Variants in GRIK2 observed in about 807,000 individuals in gnomAD.
The protein encoded by GRIK2 is glutamate ionotropic receptor kainate type subunit 2.
GRIK2 carries 32 observed loss-of-function variants against 100.3 expected under a neutral mutation model. The observed-to-expected ratio is 0.32, with a 90% CI of 0.24 to 0.43. GRIK2 has a LOEUF of 0.43. Ranked by LOEUF, GRIK2 falls within the 20% of genes least tolerant of loss-of-function variation. The pLI is 1.00. For synonymous variants in GRIK2, 417 were observed against 389.4 expected (o/e 1.07, Z -0.83); for missense variants, 843 against 1,114.9 (o/e 0.76, Z 3.47).
At position 101,851,189 on chromosome 6, in the gene GRIK2, T is replaced by A. The variant is rs1023582025; in HGVS notation, c.1318-8098T>A. Among the ~76,000 whole-genome samples the A allele has an allele frequency of 9.2e-5, 14 of 152,200 alleles. No individual in the cohort carries two copies. The South Asian group carries it at 2.7e-3, about 29-fold the overall frequency. On this transcript the variant is annotated intron_variant, in intron 10 of 16. Coordinates refer to ENST00000369134, the MANE Select transcript of GRIK2 (RefSeq NM_021956.5). Reference sequence around the variant, plus strand: ...ACATATATCTAAGTAGGTTTTTTAATCTCAGAGGGATCAACAAATTTATTT... The same window carrying A: ...ACATATATCTAAGTAGGTTTTTTAAACTCAGAGGGATCAACAAATTTATTT...
At chr6:101,482,609 T>G (rs1772591931) in intron 2 of GRIK2, among the ~76,000 whole-genome samples, 1 of 152,022 alleles carries the variant, frequency 6.6e-6, no homozygotes, top group South Asian at 2.1e-4. Flanking sequence ...GTTATGGAAA[T>G]GTAAAATGTG....
At chr6:101,827,352 AT>A (rs1294850698) in intron 10 of GRIK2, among the ~76,000 whole-genome samples, 1 of 151,990 alleles carries the variant, frequency 6.6e-6, no homozygotes, top group Admixed American at 6.6e-5. Flanking sequence ...ATGTACTTGA[AT>A]TTTGTTTAAA....
intron 2 of GRIK2, among the ~76,000 whole-genome samples, chr6:101,589,320 C>T (rs1322320794): frequency 6.6e-6 from 1 of 152,102 alleles, no homozygotes; most frequent in Admixed American, 6.6e-5. Flanking sequence ...ACACCGTCTA[C>T]CCTCTTTTAG....
chr6:101,813,040 G>A (rs886265670), intron 9 of GRIK2, among the ~76,000 whole-genome samples: 1 of 151,684 alleles, frequency 6.6e-6, no homozygotes, highest in East Asian at 1.9e-4. Context: ...ATACACATCC[G>A]TATATAACAT....
intron 2 of GRIK2, among the ~76,000 whole-genome samples, chr6:101,571,991 A>T (rs2128299259): frequency 6.6e-6 from 1 of 152,216 alleles, no homozygotes; most frequent in African/African-American, 2.4e-5. Flanking sequence ...TCATCTTCAA[A>T]CCAGTGTTCT....
intron 7 of GRIK2, among the ~76,000 whole-genome samples, chr6:101,688,150 CT>C (rs1204917113): frequency 1.1e-4 from 16 of 148,362 alleles, no homozygotes; most frequent in African/African-American, 3.9e-4. Context: ...TAATAGCTTT[CT>C]TTACAATTCT....
chr6:101,544,685 C>G (rs200794572), intron 2 of GRIK2, among the ~76,000 whole-genome samples: 9 of 152,310 alleles, frequency 5.9e-5, no homozygotes, highest in Admixed American at 3.3e-4. Context: ...ATGCTATGCT[C>G]TATGCTCTTA....
intron 9 of GRIK2, among the ~76,000 whole-genome samples, chr6:101,811,394 T>C (rs1781316699): frequency 6.6e-6 from 1 of 152,110 alleles, no homozygotes; most frequent in Non-Finnish European, 1.5e-5. Context: ...ACTATATTGC[T>C]TCTTTTTCCA....
chr6:101,762,155 T>C (rs1777756630), intron 7 of GRIK2, among the ~76,000 whole-genome samples: 2 of 145,578 alleles, frequency 1.4e-5, no homozygotes, highest in Non-Finnish European at 3.0e-5. Context: ...CCTCTTCCTC[T>C]GTCTCTGTCT....
intron 2 of GRIK2, among the ~76,000 whole-genome samples, chr6:101,581,823 G>A (rs889976308): frequency 4.6e-5 from 7 of 152,150 alleles, no homozygotes; most frequent in Admixed American, 2.6e-4. Flanking sequence ...AAATAAGATT[G>A]GTGTCTTTGA....
At chr6:101,856,149 A>C (rs940066873) in intron 10 of GRIK2, among the ~76,000 whole-genome samples, 3 of 152,292 alleles carry the variant, frequency 2.0e-5, no homozygotes, top group African/African-American at 7.2e-5. Flanking sequence ...TGATGATTTC[A>C]AGTAGTAGTG....
chr6:101,520,897 A>G (rs1186323737), intron 2 of GRIK2, among the ~76,000 whole-genome samples: 3 of 152,148 alleles, frequency 2.0e-5, no homozygotes, highest in Non-Finnish European at 1.5e-5. Flanking sequence ...AAATATATTC[A>G]ACTCAAAGTT....
At chr6:101,924,429 A>T (rs1019930253) in intron 12 of GRIK2, among the ~76,000 whole-genome samples, 172 bp from the exon 13 acceptor site, 4 of 152,210 alleles carry the variant, frequency 2.6e-5, no homozygotes, top group African/African-American at 9.6e-5. Flanking sequence ...AAGGACAGGG[A>T]TCTTTAAAAT....
chr6:101,508,928 G>A (rs887871207), intron 2 of GRIK2, among the ~76,000 whole-genome samples: 2 of 152,084 alleles, frequency 1.3e-5, no homozygotes, highest in African/African-American at 2.4e-5. Context: ...GGCCGAGGTG[G>A]GTGGATCATG....
At chr6:101,724,950 C>T (rs1205917601) in intron 7 of GRIK2, among the ~76,000 whole-genome samples, 2 of 151,974 alleles carry the variant, frequency 1.3e-5, no homozygotes, top group African/African-American at 4.8e-5. Flanking sequence ...CTGAACCTGC[C>T]TTTTCTGTCT....
chr6:101,871,557 G>A (rs1363359307), intron 11 of GRIK2, among the ~76,000 whole-genome samples: 1 of 151,818 alleles, frequency 6.6e-6, no homozygotes, highest in Non-Finnish European at 1.5e-5. Context: ...AATCCCCAGT[G>A]TCTATTGTAC....
intron 2 of GRIK2, among the ~76,000 whole-genome samples, chr6:101,509,028 G>A (rs563395821): frequency 6.6e-6 from 1 of 151,930 alleles, no homozygotes; most frequent in Admixed American, 6.6e-5. Flanking sequence ...CATGGGGGCG[G>A]GCACCTGTAG....
intron 14 of GRIK2, among the ~76,000 whole-genome samples, chr6:101,963,331 T>C (rs1792432174): frequency 4.2e-5 from 5 of 118,780 alleles, no homozygotes; most frequent in African/African-American, 9.7e-5. Context: ...GGAGTCTAGC[T>C]CTGTCGCCCA....
chr6:101,425,656 A>G (rs1261621885), intron 2 of GRIK2, among the ~76,000 whole-genome samples: 1 of 152,188 alleles, frequency 6.6e-6, no homozygotes, highest in African/African-American at 2.4e-5. Flanking sequence ...ATTTTCTTGC[A>G]ATCAACTCAT....
Sources: gnomAD v4.1 joint callset for allele counts (sites outside exome capture counted in the v4.1 genomes callset) on GRCh38, gnomAD v4.1.1 for gene constraint, MANE v1.5 for transcripts, NCBI Gene and HGNC (gene_info 2026-07-23, HGNC 2026-07-21) for gene names.